CUL2: variants seen among roughly 807,000 people sequenced by gnomAD.
CUL2 encodes the protein cullin 2.
In CUL2, 22 loss-of-function variants were observed where a neutral mutation model predicts 110.2. The ratio of observed to expected loss-of-function variants is 0.20; its 90% confidence interval spans 0.14 to 0.28. The LOEUF is 0.28. CUL2 is among the 10% of genes least tolerant of loss of function. CUL2 has a pLI of 1.00. For missense variants in CUL2, 631 were observed against 905.5 expected (o/e 0.70, Z 3.89); for synonymous variants, 279 against 293.2 (o/e 0.95, Z 0.49).
At chr10:35,074,636 G>T (rs747253526) in intron 1 of CUL2, among the ~76,000 whole-genome samples, 1 of 152,128 alleles carries the variant, frequency 6.6e-6, no homozygotes, top group African/African-American at 2.4e-5. Flanking sequence ...TTACAGGCGT[G>T]AGCCATCGCA....
intron 5 of CUL2, among the ~76,000 whole-genome samples, chr10:35,050,317 C>T (rs890075589): frequency 2.8e-5 from 4 of 144,248 alleles, no homozygotes; most frequent in Non-Finnish European, 6.1e-5. Context: ...TGCGAGACTC[C>T]GTCTCAAAAA....
chr10:35,103,469 C>T (rs1485748592), intron 1 of CUL2, among the ~76,000 whole-genome samples: 2 of 151,862 alleles, frequency 1.3e-5, no homozygotes, highest in African/African-American at 2.4e-5. Context: ...GGACTACAGG[C>T]GCGCGCCACC....
intron 20 of CUL2, among the ~76,000 whole-genome samples, chr10:35,011,421 C>G (rs2084899586): frequency 6.6e-6 from 1 of 151,844 alleles, no homozygotes; most frequent in African/African-American, 2.4e-5. Context: ...AGTTCGAGAC[C>G]AGCCTGGCCA....
At chr10:35,033,086 C>G in intron 11 of CUL2, 80 bp downstream of exon 11, 1 of 717,156 alleles carries the variant, frequency 1.4e-6, no homozygotes, top group Non-Finnish European at 2.2e-6. Flanking sequence ...AAACCTCATA[C>G]TAGAATTCTG....
At chr10:35,011,209 T>A (rs922221633) in intron 20 of CUL2, among the ~76,000 whole-genome samples, 7 of 132,412 alleles carry the variant, frequency 5.3e-5, no homozygotes, top group African/African-American at 2.2e-4. Flanking sequence ...TTTAATTTTT[T>A]AATTTTTTTT....
intron 3 of CUL2, 30 bp downstream of exon 3, chr10:35,062,930 T>C (rs2086421063): frequency 5.8e-6 from 7 of 1,215,650 alleles, no homozygotes; most frequent in Non-Finnish European, 8.5e-6. Context: ...ACTATCAACA[T>C]ATTTATATCA....
chr10:35,075,680 A>ATG, intron 1 of CUL2, among the ~76,000 whole-genome samples: 1 of 138,668 alleles, frequency 7.2e-6, no homozygotes, highest in South Asian at 2.4e-4. Flanking sequence ...ACACACACAC[A>ATG]CACGCACGCT....
intron 2 of CUL2, among the ~76,000 whole-genome samples, chr10:35,067,428 T>C (rs2086561033): frequency 2.6e-5 from 4 of 152,126 alleles, no homozygotes; most frequent in Non-Finnish European, 5.9e-5. Flanking sequence ...GTACAGTCTT[T>C]CTATTTATAC....
intron 2 of CUL2, among the ~76,000 whole-genome samples, chr10:35,065,405 G>A (rs1484362973): frequency 6.6e-6 from 1 of 152,138 alleles, no homozygotes; most frequent in Non-Finnish European, 1.5e-5. Context: ...CAGATCATGA[G>A]GTCAGGAGAT....
intron 1 of CUL2, among the ~76,000 whole-genome samples, chr10:35,121,657 T>C (rs1465160606): frequency 6.6e-6 from 1 of 151,948 alleles, no homozygotes; most frequent in Non-Finnish European, 1.5e-5. Flanking sequence ...GCCTTTCTTC[T>C]CCCTTAATGA....
chr10:35,100,536 C>T (rs773654991), intron 2 of CUL2, among the ~76,000 whole-genome samples: 11 of 152,030 alleles, frequency 7.2e-5, no homozygotes, highest in Middle Eastern at 3.4e-3. Flanking sequence ...CCGAGGCAGG[C>T]GGATCACTTG....
At chr10:35,043,566 C>A (rs2085851865) in intron 8 of CUL2, among the ~76,000 whole-genome samples, 1 of 152,158 alleles carries the variant, frequency 6.6e-6, no homozygotes, top group Non-Finnish European at 1.5e-5. Flanking sequence ...AACTACTCGA[C>A]CTTTCTTGGC....
At chr10:35,059,496 G>A (rs978094530) in intron 4 of CUL2, among the ~76,000 whole-genome samples, 1 of 152,104 alleles carries the variant, frequency 6.6e-6, no homozygotes, top group Non-Finnish European at 1.5e-5. Flanking sequence ...ATTAAGTTGT[G>A]CACATTTTTT....
chr10:35,014,715 C>G (rs1454085003), intron 18 of CUL2, among the ~76,000 whole-genome samples: 1 of 152,018 alleles, frequency 6.6e-6, no homozygotes, highest in African/African-American at 2.4e-5. Flanking sequence ...CACCTGTGGT[C>G]CCAGCTACTT....
At chr10:35,082,703 C>T (rs189418808) in intron 1 of CUL2, among the ~76,000 whole-genome samples, 11 of 152,216 alleles carry the variant, frequency 7.2e-5, no homozygotes, top group Admixed American at 2.6e-4. Context: ...ATACTTGGTA[C>T]TATGATGACA....
In CUL2 at chr10:35,010,056, G is replaced by A. The variant is rs2084862116; in HGVS notation, c.*255C>T. On this transcript the variant is annotated 3_prime_UTR_variant, in exon 21 of 21. Transcript: ENST00000374749. The stretch of plus-strand genomic sequence containing the variant: ...GGGAGAAAAAGCATGGTACCCAACC[G>A]AATTTCCACTTTTCAGCAATACTTC... 3.7e-5 allele frequency: 7 copies of A among 190,216 alleles called. No homozygotes were observed. The highest frequency in any genetic ancestry group is 4.8e-5 in the African/African-American group (2 of 42,076). The allele number at this position is 190,216 out of a possible 1,614,324, so 11.8% of individuals were successfully genotyped here. A position where few individuals can be genotyped will look rare whatever the true frequency, so the allele number is the denominator to read the frequency against.
chr10:35,040,164 T>A (rs11597757), intron 8 of CUL2, among the ~76,000 whole-genome samples: 19,803 of 151,972 alleles, frequency 0.13, 1,472 homozygotes, highest in Middle Eastern at 0.18. Flanking sequence ...AAAAAATAAA[T>A]ATAAATAAAA....
At chr10:35,038,154 AAATT>A (rs751590375) in intron 9 of CUL2, among the ~76,000 whole-genome samples, 16 of 151,632 alleles carry the variant, frequency 1.1e-4, no homozygotes, top group Non-Finnish European at 1.9e-4. Flanking sequence ...CATCTCAAAA[AAATT>A]AATTAATTAA....
At chr10:35,024,156 C>A (rs977685029) in intron 17 of CUL2, among the ~76,000 whole-genome samples, 11 of 152,000 alleles carry the variant, frequency 7.2e-5, no homozygotes, top group African/African-American at 2.7e-4. Context: ...TAAAATTTGA[C>A]CTTTGACTAC....
Sources: allele counts gnomAD v4.1 joint callset (sites outside exome capture counted in the v4.1 genomes callset), GRCh38; gene constraint gnomAD v4.1.1; transcripts MANE v1.5; gene names NCBI Gene and HGNC (gene_info 2026-07-23, HGNC 2026-07-21).